Variants in SH3KBP1 observed in about 807,000 individuals in gnomAD.
SH3KBP1 encodes the protein SH3 domain-containing kinase-binding protein 1.
A neutral mutation model predicts 50.1 loss-of-function variants in SH3KBP1; 8 were observed. The ratio of observed to expected loss-of-function variants is 0.16; its 90% CI spans 0.09 to 0.29. SH3KBP1 has a LOEUF of 0.29. Ranked by LOEUF, SH3KBP1 falls within the 10% of genes least tolerant of loss-of-function variation. The pLI is 1.00. For synonymous variants in SH3KBP1, 227 were observed against 218.6 expected, an observed-to-expected ratio of 1.04 and a Z score of -0.34; for missense variants, 377 against 535.2, an observed-to-expected ratio of 0.70 and a Z score of 2.92.
chrX:19,642,763 C>T (rs900039828), intron 7 of SH3KBP1, among the ~76,000 whole-genome samples: 4 of 111,138 alleles, frequency 3.6e-5, no homozygotes, highest in Non-Finnish European at 5.7e-5. Flanking sequence ...TCAATCTGTT[C>T]CCCAGCATGA....
At chrX:19,537,496 A>G (rs1020870420) in intron 17 of SH3KBP1, among the ~76,000 whole-genome samples, 11 of 110,611 alleles carry the variant, frequency 9.9e-5, no homozygotes, top group Non-Finnish European at 1.9e-4. Context: ...ATTCCAAATG[A>G]GAAACCCAAT....
rs779320196 is a variant in SH3KBP1 at position 19,856,760 on chromosome X, G to A, written c.5-20478C>T. 2.9e-3 allele frequency among the ~76,000 whole-genome samples: 325 copies of A among 110,177 alleles called. 2 individuals are homozygous for A. Among genetic ancestry groups the A allele is most frequent in the Non-Finnish European group, 3.7e-3 (194 of 52,801 alleles). ...TCACAGACTTCCAGCCTCCCGGACC[G>A]TGAGACAACACATTTCTGTTGTTGA... On this transcript the variant is annotated intron_variant, in intron 1 of 17. Transcript: ENST00000397821.
At chrX:19,668,235 G>C (rs899957391) in intron 6 of SH3KBP1, among the ~76,000 whole-genome samples, 4 of 110,023 alleles carry the variant, frequency 3.6e-5, no homozygotes, top group Non-Finnish European at 7.6e-5. Flanking sequence ...GGCTGGGTGC[G>C]GTGGCTCATG....
intron 6 of SH3KBP1, among the ~76,000 whole-genome samples, chrX:19,661,393 T>C (rs2062447429): frequency 9.0e-6 from 1 of 111,041 alleles, no homozygotes; most frequent in South Asian, 3.7e-4. Flanking sequence ...TAATGCGAAG[T>C]GGAAAAGATA....
chrX:19,634,820 T>C (rs1340700257), intron 7 of SH3KBP1, among the ~76,000 whole-genome samples: 3 of 111,758 alleles, frequency 2.7e-5, no homozygotes, highest in Admixed American at 1.9e-4. Flanking sequence ...TCTGGTTAAC[T>C]TCAGCAGGAC....
intron 13 of SH3KBP1, among the ~76,000 whole-genome samples, chrX:19,563,461 A>T: frequency 1.8e-5 from 2 of 111,128 alleles, no homozygotes; most frequent in African/African-American, 6.6e-5. Flanking sequence ...CGCCTCTGTA[A>T]GTTCGAGGAA....
At chrX:19,664,438 T>G (rs2062545517) in intron 6 of SH3KBP1, among the ~76,000 whole-genome samples, 1 of 111,097 alleles carries the variant, frequency 9.0e-6, no homozygotes, top group African/African-American at 3.3e-5. Context: ...ACTTGGAAAC[T>G]TAGTGATCAC....
Position 19,706,875 on chromosome X carries a change from G to A in SH3KBP1, c.390+6C>T, listed in dbSNP as rs757887994. On this transcript the variant is annotated splice_donor_region_variant and intron_variant, in intron 4 of 17. Coordinates refer to ENST00000397821, the MANE Select transcript of SH3KBP1 (RefSeq NM_031892.3). ...GGCCATTGCACTGCCCGGCCAGGTC[G>A]CTTACCTCTCCTACCACCTCTATGA... The A allele has an allele frequency of 2.3e-5, 27 of 1,197,252 alleles. No individual in the cohort carries two copies. In the Middle Eastern group the frequency reaches 8.3e-4, roughly 37 times the overall value.
intron 6 of SH3KBP1, among the ~76,000 whole-genome samples, chrX:19,668,368 G>A (rs1256010590): frequency 2.9e-5 from 3 of 104,621 alleles, no homozygotes; most frequent in African/African-American, 7.0e-5. Context: ...TTAGCCAGGT[G>A]TGGTGGCGGG....
At chrX:19,830,322 G>C (rs1427518730) in intron 2 of SH3KBP1, among the ~76,000 whole-genome samples, 1 of 107,112 alleles carries the variant, frequency 9.3e-6, no homozygotes, top group Non-Finnish European at 1.9e-5. Context: ...TGGTTATAGA[G>C]GTACGCACTT....
chrX:19,687,240 A>T (rs894592201), intron 5 of SH3KBP1, among the ~76,000 whole-genome samples: 1 of 112,959 alleles, frequency 8.9e-6, no homozygotes, highest in Non-Finnish European at 1.9e-5. Context: ...AGAGAAAGCA[A>T]TAACCATGAG....
intron 2 of SH3KBP1, among the ~76,000 whole-genome samples, chrX:19,805,525 TAAA>T (rs776692061): frequency 6.5e-5 from 5 of 76,414 alleles, no homozygotes. Context: ...GGCTGCATAT[TAAA>T]AAAAAAAAAA....
intron 4 of SH3KBP1, among the ~76,000 whole-genome samples, chrX:19,701,350 T>A (rs1425864897): frequency 8.9e-6 from 1 of 111,941 alleles, no homozygotes; most frequent in Non-Finnish European, 1.9e-5. Context: ...AGATTAGGAA[T>A]CTTTAAACAG....
At chrX:19,547,027 C>T (rs2065104611) in intron 14 of SH3KBP1, among the ~76,000 whole-genome samples, 1 of 110,428 alleles carries the variant, frequency 9.1e-6, no homozygotes, top group East Asian at 2.8e-4. Context: ...TGGTGTGCAC[C>T]TGGAGTCCCA....
At chrX:19,545,454 C>T (rs2065057001) in intron 15 of SH3KBP1, among the ~76,000 whole-genome samples, 2 of 112,163 alleles carry the variant, frequency 1.8e-5, no homozygotes, top group South Asian at 7.4e-4. Context: ...AATGTGACTC[C>T]AAATCAATTT....
chrX:19,668,043 G>C (rs1343363344), intron 6 of SH3KBP1, among the ~76,000 whole-genome samples: 1 of 111,047 alleles, frequency 9.0e-6, no homozygotes, highest in Admixed American at 9.6e-5. Flanking sequence ...TTCAACAAAT[G>C]GTGCTGCATC....
At chrX:19,838,903 A>C (rs759471129) in intron 1 of SH3KBP1, among the ~76,000 whole-genome samples, 1 of 106,882 alleles carries the variant, frequency 9.4e-6, no homozygotes, top group African/African-American at 3.4e-5. Context: ...AAAAAAAAAA[A>C]AAAGAAAAAA....
rs999787265 is a variant in SH3KBP1, at chrX:19,843,108, T to C, written c.5-6826A>G. Among the ~76,000 whole-genome samples the C allele has an allele frequency of 6.7e-5, 6 of 89,621 alleles. No homozygotes were observed. The Admixed American group carries it at 8.7e-4, about 13-fold the overall frequency. 77.8% of individuals were successfully genotyped at this position (89,621 alleles called of 115,157 possible). A position where few individuals can be genotyped will look rare whatever the true frequency, so the allele number is the denominator to read the frequency against. ...ATCTCGGCTCACTGCAACCTCCACC[T>C]CCCAGGTTCAAGCAATTCTCTTGCC... On this transcript the variant is annotated intron_variant, in intron 1 of 17. Transcript: ENST00000397821.
intron 8 of SH3KBP1, among the ~76,000 whole-genome samples, chrX:19,630,104 T>C (rs2061543671): frequency 1.8e-5 from 2 of 112,299 alleles, no homozygotes; most frequent in Non-Finnish European, 3.8e-5. Flanking sequence ...TATGTCAAAA[T>C]AGAAACAGAT....
Sources: allele counts gnomAD v4.1 joint callset (sites outside exome capture counted in the v4.1 genomes callset), GRCh38; gene constraint gnomAD v4.1.1; transcripts MANE v1.5; gene names NCBI Gene and HGNC (gene_info 2026-07-23, HGNC 2026-07-21).